Variants in WWTR1 observed in about 807,000 individuals in gnomAD.
The protein encoded by WWTR1 is WW domain containing transcription regulator 1.
Under a neutral mutation model 40.1 loss-of-function variants are expected in WWTR1, and 13 were observed. That is an observed-to-expected ratio of 0.32 (90% confidence interval 0.21 to 0.52). The LOEUF is 0.52. WWTR1 is among the 20% of genes least tolerant of loss of function. The pLI is 0.97. For synonymous variants in WWTR1, 230 were observed against 210.1 expected (o/e 1.09, Z -0.82); for missense variants, 436 against 523.1 (o/e 0.83, Z 1.63).
chr3:149,676,318 C>A (rs1402757998), intron 1 of WWTR1, among the ~76,000 whole-genome samples: 2 of 152,140 alleles, frequency 1.3e-5, no homozygotes, highest in African/African-American at 2.4e-5. Flanking sequence ...TAGTAAGAAT[C>A]TTTCCAGATA....
intron 2 of WWTR1, among the ~76,000 whole-genome samples, chr3:149,664,122 G>T (rs1359181427): frequency 6.6e-6 from 1 of 152,216 alleles, no homozygotes; most frequent in Non-Finnish European, 1.5e-5. Flanking sequence ...TAGAAACTTG[G>T]TGGGGTGGCT....
rs561237200 is a variant in WWTR1, at chr3:149,686,933, T to G, written c.-108+16191A>C. Among the ~76,000 whole-genome samples, 7 of 152,342 alleles carry G rather than the reference T, an allele frequency of 4.6e-5. No individual in the cohort carries two copies. The East Asian group carries it at 1.3e-3, about 29-fold the overall frequency. Reference sequence around the variant, plus strand: ...GCTGTGTGTAGCTCTACAATGCCTTTCTTTGCTTTACCTATATACTCTGTC... The same window carrying G: ...GCTGTGTGTAGCTCTACAATGCCTTGCTTTGCTTTACCTATATACTCTGTC... On this transcript the variant is annotated intron_variant, in intron 1 of 7. Coordinates refer to the WWTR1 transcript ENST00000465804.
At chr3:149,706,229 G>GA (rs1234081298), upstream of WWTR1, among the ~76,000 whole-genome samples, 1 of 152,058 alleles carries the variant, frequency 6.6e-6, no homozygotes, top group East Asian at 1.9e-4. Context: ...AAGAAAAAAA[G>GA]AAAAAGAATG....
At chr3:149,575,766 G>A (rs1241455833) in intron 2 of WWTR1, among the ~76,000 whole-genome samples, 1 of 152,292 alleles carries the variant, frequency 6.6e-6, no homozygotes, top group Non-Finnish European at 1.5e-5. Context: ...AGCATAGGAA[G>A]CCCAGCATCT....
intron 2 of WWTR1, among the ~76,000 whole-genome samples, chr3:149,623,375 T>A (rs1234970600): frequency 6.6e-6 from 1 of 151,950 alleles, no homozygotes; most frequent in Admixed American, 6.6e-5. Flanking sequence ...AAAAAAAGAA[T>A]GTTTATCATA....
chr3:149,532,830 ACAG>A, intron 4 of WWTR1, among the ~76,000 whole-genome samples: 1 of 152,360 alleles, frequency 6.6e-6, no homozygotes, highest in African/African-American at 2.4e-5. Context: ...CTTAGACCAA[ACAG>A]CAGCAGTCAA....
In WWTR1 at chr3:149,517,335, A is replaced by G. The variant is rs915382540; in HGVS notation, c.*3470T>C. 1.3e-5 allele frequency: 2 copies of G among 152,230 alleles called. No homozygotes were observed. 9.4% of individuals were successfully genotyped at this position (152,230 alleles called of 1,614,324 possible). A position where few individuals can be genotyped will look rare whatever the true frequency, so the allele number is the denominator to read the frequency against. On this transcript the variant is annotated 3_prime_UTR_variant, in exon 7 of 7. Transcript: ENST00000360632. ...GGTTTGATCTGATCGATTTGGCTGC[A>G]TACTTTCGGTACGTATAACATTCTA... is the stretch of plus-strand genomic sequence containing the variant.
chr3:149,588,709 A>G (rs891220664), intron 2 of WWTR1, among the ~76,000 whole-genome samples: 2 of 151,964 alleles, frequency 1.3e-5, no homozygotes, highest in African/African-American at 2.4e-5. Flanking sequence ...TTCTAATCAG[A>G]AAAAAAATGA....
intron 2 of WWTR1, among the ~76,000 whole-genome samples, chr3:149,631,626 T>G (rs950852353): frequency 3.5e-4 from 53 of 152,248 alleles, no homozygotes; most frequent in African/African-American, 1.3e-3. Flanking sequence ...TCCTTGCCTA[T>G]CCCACAAAGA....
intron 4 of WWTR1, among the ~76,000 whole-genome samples, chr3:149,528,325 A>G (rs1374773314): frequency 1.3e-5 from 2 of 152,198 alleles, no homozygotes; most frequent in African/African-American, 4.8e-5. Flanking sequence ...CCAAATCTAC[A>G]TCAATCAAAG....
At chr3:149,548,155 G>A (rs1736452478) in intron 3 of WWTR1, among the ~76,000 whole-genome samples, 1 of 152,166 alleles carries the variant, frequency 6.6e-6, no homozygotes, top group Non-Finnish European at 1.5e-5. Context: ...CTAAGTGTAT[G>A]CTCAAGGCAA....
chr3:149,654,454 C>G (rs954965542), intron 2 of WWTR1, among the ~76,000 whole-genome samples: 1 of 152,202 alleles, frequency 6.6e-6, no homozygotes, highest in Non-Finnish European at 1.5e-5. Flanking sequence ...AGCAGGCCAG[C>G]CTACTACTTA....
chr3:149,542,626 T>A, intron 3 of WWTR1, 89 bp from the exon 4 acceptor site: 1 of 1,328,358 alleles, frequency 7.5e-7, no homozygotes, highest in Non-Finnish European at 1.0e-6. Context: ...TGCTTTGGAG[T>A]ATAGATTCCT....
At chr3:149,590,218 A>G (rs191873961) in intron 2 of WWTR1, among the ~76,000 whole-genome samples, 1 of 152,102 alleles carries the variant, frequency 6.6e-6, no homozygotes, top group Non-Finnish European at 1.5e-5. Context: ...ATTCATATTA[A>G]TTATTAGTCA....
chr3:149,527,784 A>C, intron 5 of WWTR1, 52 bp downstream of exon 5: 1 of 1,607,306 alleles, frequency 6.2e-7, no homozygotes, highest in African/African-American at 1.3e-5. Flanking sequence ...ATTATAGTCT[A>C]GATCACATAA....
chr3:149,611,798 C>T (rs1739747566), intron 2 of WWTR1, among the ~76,000 whole-genome samples: 1 of 152,170 alleles, frequency 6.6e-6, no homozygotes, highest in Non-Finnish European at 1.5e-5. Flanking sequence ...AAATGTCATT[C>T]CCCTTTTCTC....
intron 2 of WWTR1, among the ~76,000 whole-genome samples, chr3:149,634,230 A>G (rs542698642): frequency 6.6e-6 from 1 of 152,334 alleles, no homozygotes; most frequent in Admixed American, 6.5e-5. Context: ...GCTTTGGTCA[A>G]GTTCCTTAAA....
rs767747431 is a variant in WWTR1, at chr3:149,526,111, G to A, written c.920C>T (p.Ser307Leu). 1.2e-5 allele frequency: 20 copies of A among 1,606,410 alleles called. No individual in the cohort carries two copies. Among genetic ancestry groups the A allele is most frequent in the East Asian group, 2.2e-5 (1 of 44,538 alleles). ...GCCACTGTCAGTGCTCTGCTCCCTCGAATGATATGGCCCTCTGCAAAGCAA... is the reference window on the plus strand; with the variant it reads ...GCCACTGTCAGTGCTCTGCTCCCTCAAATGATATGGCCCTCTGCAAAGCAA... The part of the protein sequence containing the change: ...DPFLNGGPYH[S>L]REQSTDSGLG... The change falls in exon 6 of 7, where the codon TCG (serine) becomes TTG (leucine). Residue 307 changes from serine to leucine, a missense_variant. Coordinates refer to ENST00000360632, the MANE Select transcript of WWTR1 (RefSeq NM_015472.6).
chr3:149,587,978 G>C (rs2108024326), intron 2 of WWTR1, among the ~76,000 whole-genome samples: 1 of 152,262 alleles, frequency 6.6e-6, no homozygotes, highest in Non-Finnish European at 1.5e-5. Context: ...CCTGGGAAAA[G>C]CTTTGATCCA....
Sources: allele counts gnomAD v4.1 joint callset (sites outside exome capture counted in the v4.1 genomes callset), GRCh38; gene constraint gnomAD v4.1.1; transcripts MANE v1.5; gene names NCBI Gene and HGNC (gene_info 2026-07-23, HGNC 2026-07-21).